RBFOX1: variants seen among roughly 807,000 people sequenced by gnomAD.
RBFOX1 encodes the protein RNA binding fox-1 homolog 1.
RBFOX1 carries 8 observed loss-of-function variants against 57.7 expected under a neutral mutation model. The ratio of observed to expected loss-of-function variants is 0.14; its 90% CI spans 0.08 to 0.25. The LOEUF is 0.25. Ranked by LOEUF, RBFOX1 falls within the 10% of genes least tolerant of loss-of-function variation. RBFOX1 has a pLI of 1.00. For missense variants in RBFOX1, 611 were observed against 548.5 expected (o/e 1.11, Z -1.14); for synonymous variants, 326 against 222.4 (o/e 1.47, Z -4.15).
chr16:6,780,087 A>G (rs1439691239), intron 3 of RBFOX1, among the ~76,000 whole-genome samples: 1 of 48,508 alleles, frequency 2.1e-5, no homozygotes, highest in African/African-American at 1.2e-4. Flanking sequence ...ATATTTATAT[A>G]TATTTATATA....
intron 1 of RBFOX1, among the ~76,000 whole-genome samples, chr16:6,306,239 T>G (rs2079503460): frequency 6.6e-6 from 1 of 152,130 alleles, no homozygotes; most frequent in South Asian, 2.1e-4. Flanking sequence ...CTAGATTTGC[T>G]GCAGAAACCA....
chr16:6,070,623 C>A (rs940332104), intron 1 of RBFOX1, among the ~76,000 whole-genome samples: 1 of 151,858 alleles, frequency 6.6e-6, no homozygotes, highest in Admixed American at 6.6e-5. Context: ...TCATAGGTGC[C>A]TTTTTTTCCT....
intron 4 of RBFOX1, among the ~76,000 whole-genome samples, chr16:7,488,513 C>G (rs186201953): frequency 6.6e-6 from 1 of 152,162 alleles, no homozygotes; most frequent in African/African-American, 2.4e-5. Context: ...CATCCATTGT[C>G]TACCTATCTA....
intron 3 of RBFOX1, among the ~76,000 whole-genome samples, chr16:5,746,891 A>G (rs2053005668): frequency 6.6e-6 from 1 of 152,198 alleles, no homozygotes; most frequent in Non-Finnish European, 1.5e-5. Flanking sequence ...GCAAACAGGG[A>G]CAATTTGACT....
intron 3 of RBFOX1, among the ~76,000 whole-genome samples, chr16:6,816,918 T>G (rs112395508): frequency 3.3e-4 from 50 of 152,110 alleles, no homozygotes; most frequent in African/African-American, 1.2e-3. Flanking sequence ...CTGTTTTTTT[T>G]GTATTTTTTG....
intron 4 of RBFOX1, among the ~76,000 whole-genome samples, chr16:5,976,710 A>G (rs538337865): frequency 6.6e-6 from 1 of 152,266 alleles, no homozygotes; most frequent in Non-Finnish European, 1.5e-5. Flanking sequence ...TTCTACTAAA[A>G]ATACAAAAAT....
At chr16:6,004,863 C>T (rs1006699145) in intron 4 of RBFOX1, among the ~76,000 whole-genome samples, 1 of 152,102 alleles carries the variant, frequency 6.6e-6, no homozygotes, top group African/African-American at 2.4e-5. Context: ...TAGGTGGAAT[C>T]CTGAGCTGCT....
chr16:6,729,098 G>T (rs757092471), intron 3 of RBFOX1, among the ~76,000 whole-genome samples: 2 of 152,092 alleles, frequency 1.3e-5, no homozygotes, highest in Non-Finnish European at 2.9e-5. Flanking sequence ...AGCTTCTGTT[G>T]AAATGGAGAT....
At chr16:6,135,170 G>T (rs2096657751) in intron 1 of RBFOX1, among the ~76,000 whole-genome samples, 1 of 152,198 alleles carries the variant, frequency 6.6e-6, no homozygotes, top group South Asian at 2.1e-4. Flanking sequence ...CCATGCTTCA[G>T]TTCTGACTGG....
chr16:7,187,690 C>CAAAAAAAAAAAAAAAAAAAAAA (rs536529201), intron 4 of RBFOX1, among the ~76,000 whole-genome samples: 1 of 72,566 alleles, frequency 1.4e-5, no homozygotes, highest in Non-Finnish European at 2.3e-5. Context: ...CTCTGTCTCA[C>CAAAAAAAAAAAAAAAAAAAAAA]AAAAAAAAAA....
chr16:5,306,206 A>G (rs1489011389), intron 1 of RBFOX1, among the ~76,000 whole-genome samples: 1 of 152,238 alleles, frequency 6.6e-6, no homozygotes, highest in Non-Finnish European at 1.5e-5. Context: ...TCTCCAAAAA[A>G]CTAAATAAAT....
At chr16:6,734,700 G>A (rs955773534) in intron 3 of RBFOX1, among the ~76,000 whole-genome samples, 2 of 152,174 alleles carry the variant, frequency 1.3e-5, no homozygotes, top group African/African-American at 4.8e-5. Flanking sequence ...GGAAGAGTCA[G>A]AAAGCAGCAC....
intron 1 of RBFOX1, among the ~76,000 whole-genome samples, chr16:6,200,240 G>A (rs938052887): frequency 6.6e-6 from 1 of 152,190 alleles, no homozygotes; most frequent in African/African-American, 2.4e-5. Flanking sequence ...CTCAAGAACA[G>A]CCGGGATTCT....
intron 4 of RBFOX1, among the ~76,000 whole-genome samples, chr16:7,275,189 A>T (rs1001347914): frequency 6.6e-6 from 1 of 152,080 alleles, no homozygotes; most frequent in Non-Finnish European, 1.5e-5. Flanking sequence ...AGGAAGGGAG[A>T]AAACAGACAA....
chr16:5,568,926 C>T (rs1053765233), intron 2 of RBFOX1, among the ~76,000 whole-genome samples: 12 of 152,166 alleles, frequency 7.9e-5, no homozygotes, highest in Middle Eastern at 3.4e-3. Context: ...CTGCAACCTC[C>T]GCCCGCTGGG....
At chr16:6,805,225 C>A (rs1398592070) in intron 3 of RBFOX1, among the ~76,000 whole-genome samples, 1 of 152,146 alleles carries the variant, frequency 6.6e-6, no homozygotes, top group Non-Finnish European at 1.5e-5. Context: ...AAAATGAGAT[C>A]CTGTCTTTTG....
intron 4 of RBFOX1, among the ~76,000 whole-genome samples, chr16:7,260,966 A>AG (rs2094896822): frequency 6.6e-6 from 1 of 152,188 alleles, no homozygotes; most frequent in Non-Finnish European, 1.5e-5. Flanking sequence ...TTCAAGGGTC[A>AG]AGAAAGTTCA....
intron 1 of RBFOX1, among the ~76,000 whole-genome samples, chr16:6,128,561 C>T (rs1310460488): frequency 3.9e-5 from 6 of 152,186 alleles, no homozygotes; most frequent in East Asian, 3.9e-4. Flanking sequence ...AGCACTGTGA[C>T]GTTCTCACTG....
intron 3 of RBFOX1, among the ~76,000 whole-genome samples, chr16:6,700,658 C>A (rs1555706289): frequency 6.6e-6 from 1 of 151,942 alleles, no homozygotes; most frequent in Non-Finnish European, 1.5e-5. Flanking sequence ...AACTTCATCT[C>A]AAAAAATAAT....
Sources: gnomAD v4.1 joint callset for allele counts (sites outside exome capture counted in the v4.1 genomes callset) on GRCh38, gnomAD v4.1.1 for gene constraint, MANE v1.5 for transcripts, NCBI Gene and HGNC (gene_info 2026-07-23, HGNC 2026-07-21) for gene names.